Variants in PHF3 observed in about 807,000 individuals in gnomAD.
PHF3 encodes the protein PHD finger protein 3.
A neutral mutation model predicts 178.4 loss-of-function variants in PHF3; 41 were observed. The ratio of observed to expected loss-of-function variants is 0.23; its 90% CI spans 0.18 to 0.30. The LOEUF is 0.30. Ranked by LOEUF, PHF3 falls within the 10% of genes least tolerant of loss-of-function variation. The pLI is 1.00. For synonymous variants in PHF3, 842 were observed against 800.5 expected (o/e 1.05, Z -0.88); for missense variants, 2,346 against 2,398.1 (o/e 0.98, Z 0.45).
chr6:63,675,988 A>T (rs1284779343), intron 2 of PHF3, among the ~76,000 whole-genome samples: 4 of 152,022 alleles, frequency 2.6e-5, no homozygotes, highest in Admixed American at 6.6e-5. Context: ...CCTGATTCCC[A>T]CTACTTTGAA....
At chr6:63,658,708 T>TTGTGTGTGTGTGTG (rs3071174) in intron 2 of PHF3, among the ~76,000 whole-genome samples, 11 of 145,216 alleles carry the variant, frequency 7.6e-5, no homozygotes, top group Non-Finnish European at 1.5e-4. Context: ...CCAATAGATT[T>TTGTGTGTGTGTGTG]TGTGTGTGTG....
intron 14 of PHF3, 81 bp downstream of exon 14, chr6:63,709,321 A>G (rs1767826384): frequency 1.1e-6 from 1 of 934,076 alleles, no homozygotes. Context: ...GCAAGGGTGC[A>G]AAGTCTCCTG....
At position 63,725,111 on chromosome 6, in the gene PHF3, T is replaced by C. The variant is rs1768560548; in HGVS notation, c.*11403T>C. 6.6e-6 allele frequency among the ~76,000 whole-genome samples: 1 copy of C among 152,176 alleles called. No homozygotes were observed. The highest frequency in any genetic ancestry group is 6.5e-5 in the Admixed American group (1 of 15,274). On this transcript the variant is annotated 3_prime_UTR_variant, in exon 16 of 16. Coordinates refer to ENST00000262043, the MANE Select transcript of PHF3 (RefSeq NM_001370348.2). The stretch of plus-strand genomic sequence containing the variant: ...TTTAAGCATGTAGAACTTATATTTT[T>C]AATATTTAAAAATTTTCATGATTTT...
At chr6:63,644,051 C>T (rs971491422) in intron 1 of PHF3, among the ~76,000 whole-genome samples, 2 of 152,178 alleles carry the variant, frequency 1.3e-5, no homozygotes, top group African/African-American at 4.8e-5. Flanking sequence ...ATAGTTGGTA[C>T]AACAGGAAGA....
chr6:63,709,114 A>G (rs767801180), intron 13 of PHF3, 37 bp from the exon 14 acceptor site: 2 of 1,075,306 alleles, frequency 1.9e-6, no homozygotes, highest in Non-Finnish European at 2.7e-6. Context: ...AAGATAATCT[A>G]TATATATTGA....
At chr6:63,669,838 T>C (rs1419759634) in intron 2 of PHF3, among the ~76,000 whole-genome samples, 1 of 152,216 alleles carries the variant, frequency 6.6e-6, no homozygotes, top group Non-Finnish European at 1.5e-5. Flanking sequence ...ATTTTACTGC[T>C]GTTTCAAGGC....
chr6:63,644,974 G>A (rs56300303), intron 1 of PHF3, among the ~76,000 whole-genome samples: 11,793 of 151,194 alleles, frequency 0.078, 529 homozygotes, highest in East Asian at 0.16. Flanking sequence ...TCCACTTCCC[G>A]GGCTTAAGTG....
chr6:63,712,820 A>G lies in PHF3; in HGVS notation c.5232A>G (p.Leu1744=). Residue 1744 remains leucine (L), a synonymous_variant, in exon 16 of 16, where the codon TTA becomes TTG. Coordinates refer to ENST00000262043, the MANE Select transcript of PHF3 (RefSeq NM_001370348.2). ...EQAKPLQEDI[L]MQNIETVHPF... ...CAAAACCCTTACAGGAGGATATTTTAATGCAAAATATTGAAACTGTGCACC... is the reference window on the plus strand; with the variant it reads ...CAAAACCCTTACAGGAGGATATTTTGATGCAAAATATTGAAACTGTGCACC... The G allele has an allele frequency of 6.2e-7, 1 of 1,614,040 alleles. No homozygotes were observed.
At chr6:63,654,422 C>A (rs1289549451) in intron 2 of PHF3, among the ~76,000 whole-genome samples, 2 of 152,112 alleles carry the variant, frequency 1.3e-5, no homozygotes, top group African/African-American at 4.8e-5. Context: ...CACATACATA[C>A]CCTTTAAGAA....
intron 5 of PHF3, among the ~76,000 whole-genome samples, chr6:63,693,865 G>A (rs1003913512): frequency 4.6e-5 from 7 of 152,186 alleles, no homozygotes; most frequent in African/African-American, 1.7e-4. Context: ...AGTTTCTGTT[G>A]TGTGGCATAG....
At chr6:63,665,790 A>G (rs1765658852) in intron 2 of PHF3, among the ~76,000 whole-genome samples, 1 of 152,148 alleles carries the variant, frequency 6.6e-6, no homozygotes, top group Non-Finnish European at 1.5e-5. Context: ...CACCTGGCCT[A>G]AAATTACTGT....
rs1252686589 is a variant in PHF3, at chr6:63,698,247, A to G, written c.2705A>G (p.Lys902Arg). The change falls in exon 7 of 16, where the codon AAA becomes AGA. Residue 902 changes from lysine to arginine, a missense_variant. This residue lies in a region of PHF3 where 252 missense variants were observed against 232.0 expected (regional missense o/e 1.09). Coordinates refer to ENST00000262043, the MANE Select transcript of PHF3 (RefSeq NM_001370348.2). ...GGTACTCATGAGAAGCAAGAGATGA[A>G]AAAGAAGAAAGTTGAAAAAGGAGTG... ...KPGTHEKQEM[K>R]KKKVEKGVLN... is the part of the protein sequence containing the mutation. The G allele has an allele frequency of 6.2e-7, 1 of 1,611,652 alleles. No individual in the cohort carries two copies. Among genetic ancestry groups the G allele is most frequent in the Non-Finnish European group, 8.5e-7 (1 of 1,178,498 alleles).
chr6:63,703,941 A>G (rs1451184101), intron 11 of PHF3, among the ~76,000 whole-genome samples: 1 of 152,200 alleles, frequency 6.6e-6, no homozygotes, highest in Admixed American at 6.5e-5. Flanking sequence ...GAATTTAACC[A>G]TTAGAATGAA....
rs760465401 is a variant in PHF3 at position 63,712,769 on chromosome 6, C to T, written c.5181C>T (p.Asn1727=). The change falls in exon 16 of 16, where the codon AAC becomes AAT. Residue 1727 remains asparagine, a synonymous_variant. Coordinates refer to ENST00000262043, the MANE Select transcript of PHF3 (RefSeq NM_001370348.2). ...CACAAAACTCACCATCAGTAGAAAA[C>T]ATACAGACTTCTCAAGCAGAACAAG... ...KVAQNSPSVE[N]IQTSQAEQAK... is the part of the protein sequence containing the mutation. The T allele has an allele frequency of 1.9e-6, 3 of 1,613,762 alleles. No individual in the cohort carries two copies. The highest frequency in any genetic ancestry group is 4.5e-5 in the East Asian group (2 of 44,860).
In PHF3 at chr6:63,713,253, G is replaced by A; in HGVS notation, c.5665G>A (p.Asp1889Asn). The stretch of plus-strand genomic sequence containing the variant: ...CCCGCAGAATTTTTACCAGGTTAAA[G>A]ACATTCGGAGGCCAGAAAGGCGCCA... Reference protein sequence around the residue: ...IGPQNFYQVKDIRRPERRHSD... With the variant: ...IGPQNFYQVKNIRRPERRHSD... Residue 1889 changes from aspartate (D) to asparagine (N), a missense_variant, in exon 16 of 16, where the codon GAC becomes AAC. Physicochemically the swap from Asp to Asn is conservative, Grantham distance 23 (BLOSUM62 1). Around this residue, in one of 8 missense-constraint regions of PHF3, gnomAD observed 839 missense variants for 806.9 expected, o/e 1.04. Coordinates refer to ENST00000262043, the MANE Select transcript of PHF3 (RefSeq NM_001370348.2). 6.2e-7 allele frequency: 1 copy of A among 1,614,046 alleles called. No individual in the cohort carries two copies. The highest frequency in any genetic ancestry group is 8.5e-7 in the Non-Finnish European group (1 of 1,179,988).
Position 63,717,716 on chromosome 6 carries a change from T to C in PHF3, c.*4008T>C, listed in dbSNP as rs1768231857. 6.6e-6 allele frequency among the ~76,000 whole-genome samples: 1 copy of C among 152,012 alleles called. No homozygotes were observed. Among genetic ancestry groups the C allele is most frequent in the African/African-American group, 2.4e-5 (1 of 41,418 alleles). Reference sequence around the variant, plus strand: ...AACTCTAAATATCCCCAAAATACTTTTTCTATGAAATAATTCAGTGTGTGC... The same window carrying C: ...AACTCTAAATATCCCCAAAATACTTCTTCTATGAAATAATTCAGTGTGTGC... On this transcript the variant is annotated 3_prime_UTR_variant, in exon 16 of 16. Coordinates refer to ENST00000262043, the MANE Select transcript of PHF3 (RefSeq NM_001370348.2).
intron 2 of PHF3, among the ~76,000 whole-genome samples, chr6:63,661,697 G>T (rs1381100508): frequency 6.6e-6 from 1 of 152,124 alleles, no homozygotes; most frequent in Non-Finnish European, 1.5e-5. Flanking sequence ...GTTCTCACTA[G>T]ATTTTTTAAT....
chr6:63,705,808 A>T (rs554712567), intron 11 of PHF3, among the ~76,000 whole-genome samples: 1 of 152,322 alleles, frequency 6.6e-6, no homozygotes, highest in East Asian at 1.9e-4. Flanking sequence ...CCCTGTATAT[A>T]GAAGAGGGCT....
Position 63,684,748 on chromosome 6 carries a change from T to A in PHF3, c.1026T>A (p.Ser342=). The A allele has an allele frequency of 6.2e-7, 1 of 1,614,002 alleles. No individual in the cohort carries two copies. Among genetic ancestry groups the A allele is most frequent in the Non-Finnish European group, 8.5e-7 (1 of 1,179,878 alleles). ...DDHILEDAGS[S]DISSDAACTN... ...ATATTCTTGAGGACGCTGGATCTTC[T>A]GATATTTCTAGTGATGCTGCTTGTA... Residue 342 remains serine (S), a synonymous_variant, in exon 4 of 16, where the codon TCT becomes TCA. Coordinates refer to ENST00000262043, the MANE Select transcript of PHF3 (RefSeq NM_001370348.2).
Sources: allele counts gnomAD v4.1 joint callset (sites outside exome capture counted in the v4.1 genomes callset), GRCh38; gene constraint gnomAD v4.1.1; regional missense constraint gnomAD v4.1.1; transcripts MANE v1.5; gene names NCBI Gene and HGNC (gene_info 2026-07-23, HGNC 2026-07-21).